NARS2: variants seen among roughly 807,000 people sequenced by gnomAD.
NARS2 encodes the protein asparaginyl-tRNA synthetase.
Under a neutral mutation model 62.9 loss-of-function variants are expected in NARS2, and 60 were observed. That is an observed-to-expected ratio of 0.95 (90% confidence interval 0.77 to 1.18). The LOEUF (loss-of-function observed/expected upper bound fraction) is 1.18, where lower values mean the gene tolerates loss of function less well. Ranked by LOEUF, NARS2 falls within the 50% of genes most tolerant of loss-of-function variation. The pLI is 0.00. For synonymous variants in NARS2, 196 were observed against 200.0 expected (o/e 0.98, Z 0.17); for missense variants, 619 against 576.4 (o/e 1.07, Z -0.76).
chr11:78,531,647 T>C lies in NARS2; in HGVS notation c.595-2711A>G, dbSNP rs533149892. Among the ~76,000 whole-genome samples, 6 of 152,266 alleles carry C rather than the reference T, an allele frequency of 3.9e-5. No individual in the cohort carries two copies. In the East Asian group the frequency reaches 1.2e-3, roughly 29 times the overall value. On this transcript the variant is annotated intron_variant, in intron 5 of 13. Transcript: ENST00000281038. ...AAAAATGAATAAACAAAATATGATATATACATAGAATGGAATATCATTCAG... is the reference window on the plus strand; with the variant it reads ...AAAAATGAATAAACAAAATATGATACATACATAGAATGGAATATCATTCAG...
At chr11:78,534,087 G>A (rs1265403320) in intron 5 of NARS2, among the ~76,000 whole-genome samples, 1 of 152,034 alleles carries the variant, frequency 6.6e-6, no homozygotes, top group Non-Finnish European at 1.5e-5. Flanking sequence ...CCAAGTTTTG[G>A]CAATTATGAA....
At chr11:78,569,779 G>A (rs1440255808) in intron 2 of NARS2, among the ~76,000 whole-genome samples, 2 of 151,980 alleles carry the variant, frequency 1.3e-5, no homozygotes, top group East Asian at 3.9e-4. Flanking sequence ...AGGTTTCCTG[G>A]GAATATCTCA....
intron 5 of NARS2, among the ~76,000 whole-genome samples, chr11:78,531,478 C>A (rs754805492): frequency 2.6e-5 from 4 of 152,086 alleles, no homozygotes; most frequent in Non-Finnish European, 5.9e-5. Context: ...AATTGAGTTA[C>A]TAAATGGCAC....
Position 78,566,277 on chromosome 11 carries a change from C to A in NARS2, c.373-5G>T. 1 of 1,568,992 alleles carries A rather than the reference C, an allele frequency of 6.4e-7. No individual in the cohort carries two copies. The highest frequency in any genetic ancestry group is 8.6e-7 in the Non-Finnish European group (1 of 1,156,358). ...TTTATATTTGATGGGGAAATCCTGCCAATAAATGAAAAGAACAAATTAGAA... is the reference window on the plus strand; with the variant it reads ...TTTATATTTGATGGGGAAATCCTGCAAATAAATGAAAAGAACAAATTAGAA... On this transcript the variant is annotated splice_polypyrimidine_tract_variant and splice_region_variant and intron_variant, in intron 3 of 13. Transcript: ENST00000281038.
At chr11:78,530,247 T>G (rs1198998010) in intron 5 of NARS2, among the ~76,000 whole-genome samples, 2 of 152,186 alleles carry the variant, frequency 1.3e-5, no homozygotes, top group African/African-American at 4.8e-5. Context: ...ATACTTGATC[T>G]GATATATGTT....
At position 78,441,164 on chromosome 11, in the gene NARS2, A is replaced by C. The variant is rs1384546394; in HGVS notation, c.1263-47T>G. The C allele has an allele frequency of 2.6e-6, 4 of 1,542,218 alleles. No homozygotes were observed. The Admixed American group carries it at 7.1e-5, about 27-fold the overall frequency. On this transcript the variant is annotated intron_variant, in intron 12 of 13. Coordinates refer to ENST00000281038, the MANE Select transcript of NARS2 (RefSeq NM_024678.6). Reference sequence around the variant, plus strand: ...TCTTTCAGGGAACGGCAATAAGATAAATATTAACCACTAGACATTTATTCT... The same window carrying C: ...TCTTTCAGGGAACGGCAATAAGATACATATTAACCACTAGACATTTATTCT...
chr11:78,458,469 CAT>C (rs1299968110), intron 11 of NARS2, among the ~76,000 whole-genome samples: 1 of 148,678 alleles, frequency 6.7e-6, no homozygotes, highest in Non-Finnish European at 1.5e-5. Flanking sequence ...TGTAAAATCA[CAT>C]AGTTTATAAT....
intron 11 of NARS2, among the ~76,000 whole-genome samples, chr11:78,457,521 CA>C (rs1175895266): frequency 6.6e-6 from 1 of 152,162 alleles, no homozygotes; most frequent in African/African-American, 2.4e-5. Flanking sequence ...AAGAAATGTA[CA>C]CTGCTAATGT....
chr11:78,483,785 A>T (rs1167916497), intron 7 of NARS2, among the ~76,000 whole-genome samples: 1 of 152,250 alleles, frequency 6.6e-6, no homozygotes, highest in Non-Finnish European at 1.5e-5. Flanking sequence ...ATGGACAGGA[A>T]GAATCAATAT....
intron 5 of NARS2, among the ~76,000 whole-genome samples, chr11:78,535,834 C>G (rs1855315582): frequency 6.6e-6 from 1 of 152,046 alleles, no homozygotes; most frequent in South Asian, 2.1e-4. Flanking sequence ...TCAGGCTGGT[C>G]TCAAACTCCT....
At chr11:78,573,696 A>G (rs182547048) in intron 1 of NARS2, among the ~76,000 whole-genome samples, 2 of 152,336 alleles carry the variant, frequency 1.3e-5, no homozygotes, top group African/African-American at 4.8e-5. Context: ...CCACTGTTCT[A>G]AATATCTTAC....
chr11:78,498,557 CATCTGCTT>C (rs1345778238), intron 6 of NARS2, among the ~76,000 whole-genome samples: 3 of 152,046 alleles, frequency 2.0e-5, no homozygotes, highest in Non-Finnish European at 4.4e-5. Flanking sequence ...AGTATATATC[CATCTGCTT>C]ATTTGGTCCT....
At chr11:78,554,508 C>CGTGCGTGTGTGTGTGTGTGTGTGT (rs112168447) in intron 5 of NARS2, among the ~76,000 whole-genome samples, 1 of 146,914 alleles carries the variant, frequency 6.8e-6, no homozygotes, top group South Asian at 2.2e-4. Flanking sequence ...GGCGTGTGTG[C>CGTGCGTGTGTGTGTGTGTGTGTGT]GTGTGTGTGT....
chr11:78,566,498 G>C (rs1565289493), intron 3 of NARS2, among the ~76,000 whole-genome samples: 1 of 152,160 alleles, frequency 6.6e-6, no homozygotes, highest in African/African-American at 2.4e-5. Context: ...CTACTTATTA[G>C]CCAAGTAACT....
chr11:78,529,052 GT>G, intron 5 of NARS2, 116 bp from the exon 6 acceptor site: 1 of 676,846 alleles, frequency 1.5e-6, no homozygotes, highest in East Asian at 2.7e-5. Flanking sequence ...GTGAAGGCAG[GT>G]TGTTCTCAGG....
chr11:78,498,054 TGAG>T (rs1380138296), intron 6 of NARS2, among the ~76,000 whole-genome samples: 4 of 152,152 alleles, frequency 2.6e-5, no homozygotes, highest in African/African-American at 4.8e-5. Context: ...GCTAACCATC[TGAG>T]GAGATGACAT....
intron 5 of NARS2, chr11:78,533,336 T>C (rs145403574): frequency 4.6e-4 from 70 of 152,338 alleles, no homozygotes; most frequent in African/African-American, 1.6e-3. Flanking sequence ...TCTTATTCCA[T>C]TATTTGTGTA....
At chr11:78,475,111 C>T (rs1441249701) in intron 9 of NARS2, among the ~76,000 whole-genome samples, 2 of 143,304 alleles carry the variant, frequency 1.4e-5, no homozygotes, top group African/African-American at 5.6e-5. Flanking sequence ...AACTACCATT[C>T]TACTCACTAC....
intron 6 of NARS2, among the ~76,000 whole-genome samples, chr11:78,499,120 G>A (rs1860185966): frequency 6.6e-6 from 1 of 152,022 alleles, no homozygotes; most frequent in Non-Finnish European, 1.5e-5. Flanking sequence ...GTTTCACGGT[G>A]TTAGCCAGGA....
Sources: allele counts gnomAD v4.1 joint callset (sites outside exome capture counted in the v4.1 genomes callset), GRCh38; gene constraint gnomAD v4.1.1; transcripts MANE v1.5; gene names NCBI Gene and HGNC (gene_info 2026-07-23, HGNC 2026-07-21).